Variants in SCAP observed in about 807,000 individuals in gnomAD.
SCAP encodes the protein sterol regulatory element-binding protein cleavage-activating protein.
Under a neutral mutation model 123.6 loss-of-function variants are expected in SCAP, and 65 were observed. The observed-to-expected ratio is 0.53, with a 90% CI of 0.43 to 0.65. The LOEUF (loss-of-function observed/expected upper bound fraction) is 0.65, where lower values mean the gene tolerates loss of function less well. Among genes scored for constraint, SCAP ranks in the 30% least tolerant of loss-of-function variants. SCAP has a pLI of 0.00. For synonymous variants in SCAP, 740 were observed against 726.3 expected (o/e 1.02, Z -0.30); for missense variants, 1,398 against 1,712.5 (o/e 0.82, Z 3.24).
intron 1 of SCAP, among the ~76,000 whole-genome samples, chr3:47,458,938 T>G (rs1707528418): frequency 6.6e-6 from 1 of 152,210 alleles, no homozygotes; most frequent in African/African-American, 2.4e-5. Flanking sequence ...CGCAAGTAGC[T>G]GGGATTACAG....
chr3:47,443,555 G>A (rs1380461622), intron 1 of SCAP, among the ~76,000 whole-genome samples: 1 of 152,064 alleles, frequency 6.6e-6, no homozygotes, highest in Non-Finnish European at 1.5e-5. Context: ...AAAACACACT[G>A]TTGTACAAAT....
intron 1 of SCAP, among the ~76,000 whole-genome samples, chr3:47,464,703 A>C (rs1707762701): frequency 6.6e-6 from 1 of 152,210 alleles, no homozygotes; most frequent in South Asian, 2.1e-4. Context: ...CAGGAACAAG[A>C]CAAGGATGCC....
In SCAP at chr3:47,474,507, G is replaced by A. The variant is rs138542218; in HGVS notation, c.-99+1292C>T. Among the ~76,000 whole-genome samples, 152 of 151,430 alleles carry A rather than the reference G, an allele frequency of 1.0e-3. 3 individuals are homozygous for A. Among genetic ancestry groups the A allele is most frequent in the African/African-American group, 3.5e-3 (143 of 41,310 alleles). On this transcript the variant is annotated intron_variant, in intron 1 of 22. Coordinates refer to ENST00000265565, the MANE Select transcript of SCAP (RefSeq NM_012235.4). ...ATTAACACACATTTTAAAAGATACA[G>A]GTCTTGGCCGGGCACGGTGGTTCAC...
chr3:47,441,354 G>A (rs903819851), intron 2 of SCAP, among the ~76,000 whole-genome samples: 1 of 152,142 alleles, frequency 6.6e-6, no homozygotes, highest in African/African-American at 2.4e-5. Flanking sequence ...TGTGGTTGTG[G>A]CTTCTTAGGA....
In SCAP at chr3:47,443,231, AATAC is replaced by A. The variant is rs1388181560; in HGVS notation, c.-98-144_-98-141del. 8.6e-6 allele frequency: 3 copies of A among 347,688 alleles called. No individual in the cohort carries two copies. In the African/African-American group the frequency reaches 1.1e-4, roughly 13 times the overall value. 21.5% of individuals were successfully genotyped at this position (347,688 alleles called of 1,614,324 possible). ...CAAGGTCTAGTGACCTCAATCCCAA[AATAC>A]ACACACACACACACACACACACACA... On this transcript the variant is annotated intron_variant, in intron 1 of 22. Transcript: ENST00000265565.
intron 4 of SCAP, among the ~76,000 whole-genome samples, chr3:47,427,900 T>C (rs996031646): frequency 6.6e-6 from 1 of 152,172 alleles, no homozygotes; most frequent in African/African-American, 2.4e-5. Context: ...CCATCAGCTC[T>C]GAGGACGGGC....
At chr3:47,426,771 C>T (rs11711824) in intron 6 of SCAP, among the ~76,000 whole-genome samples, 75,342 of 152,068 alleles carry the variant, frequency 0.5, 20,289 homozygotes, top group Non-Finnish European at 0.6. Context: ...CTAGGAGAGC[C>T]GATCAGAAGC....
At chr3:47,418,056 A>C in intron 16 of SCAP, 78 bp downstream of exon 16, 1 of 846,434 alleles carries the variant, frequency 1.2e-6, no homozygotes. Context: ...GGAAGAAAGG[A>C]GGGGAGATAC....
intron 2 of SCAP, 110 bp from the exon 3 acceptor site, chr3:47,435,247 C>T (rs1706522807): frequency 2.5e-6 from 3 of 1,197,482 alleles, no homozygotes; most frequent in Admixed American, 6.5e-5. Flanking sequence ...CAGGACTGTA[C>T]AAATGTGCAA....
chr3:47,466,343 G>C (rs1328030955), intron 1 of SCAP, among the ~76,000 whole-genome samples: 2 of 152,056 alleles, frequency 1.3e-5, no homozygotes, highest in East Asian at 3.9e-4. Context: ...ACAATAGAGA[G>C]CCCAGATCTT....
intron 1 of SCAP, among the ~76,000 whole-genome samples, chr3:47,458,027 C>T (rs1033121709): frequency 2.0e-5 from 3 of 152,102 alleles, no homozygotes; most frequent in Admixed American, 6.6e-5. Context: ...GTGGCTCACG[C>T]CTGTAATCCC....
chr3:47,465,922 CAA>C (rs1011510114), intron 1 of SCAP, among the ~76,000 whole-genome samples: 1 of 151,424 alleles, frequency 6.6e-6, no homozygotes, highest in African/African-American at 2.4e-5. Context: ...GTCATGAGGT[CAA>C]GAGATCGAGA....
At chr3:47,444,731 T>C (rs2107924396) in intron 1 of SCAP, among the ~76,000 whole-genome samples, 1 of 151,812 alleles carries the variant, frequency 6.6e-6, no homozygotes, top group Non-Finnish European at 1.5e-5. Context: ...TGCCTCAGCC[T>C]CTCAAAGTGC....
At chr3:47,421,535 C>T (rs1705900244) in intron 10 of SCAP, among the ~76,000 whole-genome samples, 1 of 152,214 alleles carries the variant, frequency 6.6e-6, no homozygotes, top group Non-Finnish European at 1.5e-5. Context: ...GCTCTCTGCT[C>T]CCCAAGCTCT....
chr3:47,418,733 G>A lies in SCAP; in HGVS notation c.2051C>T (p.Pro684Leu). ...DGRSAWPPPG[P>L]IPAGHWEAGP... ...TGCTTCCCAGTGCCCAGCAGGTATG[G>A]GCCCCGGTGGGGGCCAGGCACTGCG... is the stretch of plus-strand genomic sequence containing the variant. Residue 684 changes from proline (P) to leucine (L), a missense_variant, in exon 14 of 23, where the codon CCC becomes CTC. By Grantham distance (98) the Pro-to-Leu change is moderately conservative. Around this residue, in one of 7 missense-constraint regions of SCAP, gnomAD observed 828 missense variants for 882.5 expected, o/e 0.94. Coordinates refer to ENST00000265565, the MANE Select transcript of SCAP (RefSeq NM_012235.4). 3 of 1,602,994 alleles carry A rather than the reference G, an allele frequency of 1.9e-6. No homozygotes were observed. Among genetic ancestry groups the A allele is most frequent in the Non-Finnish European group, 2.6e-6 (3 of 1,176,204 alleles).
In SCAP at chr3:47,414,026, G is replaced by T; in HGVS notation, c.3668C>A (p.Ser1223Tyr). 1.9e-6 allele frequency: 3 copies of T among 1,613,272 alleles called. No homozygotes were observed. The highest frequency in any genetic ancestry group is 2.5e-6 in the Non-Finnish European group (3 of 1,180,020). Reference sequence around the variant, plus strand: ...GTCCCCGTAGTTTAGGTCCCAAAAGGAGACACAGCCCTGGCCGCCAGTCAC... The same window carrying T: ...GTCCCCGTAGTTTAGGTCCCAAAAGTAGACACAGCCCTGGCCGCCAGTCAC... ...LLVTGGQGCV[S>Y]FWDLNYGDLL... Residue 1223 changes from serine (S) to tyrosine (Y), a missense_variant, in exon 23 of 23, where the codon TCC (serine) becomes TAC (tyrosine). Physicochemically the swap from Ser to Tyr is moderately radical, Grantham distance 144 (BLOSUM62 -2). Around this residue, in one of 7 missense-constraint regions of SCAP, gnomAD observed 130 missense variants for 166.7 expected, o/e 0.78. Coordinates refer to ENST00000265565, the MANE Select transcript of SCAP (RefSeq NM_012235.4).
intron 7 of SCAP, 150 bp from the exon 8 acceptor site, chr3:47,425,761 C>T: frequency 2.1e-6 from 2 of 951,144 alleles, no homozygotes; most frequent in Non-Finnish European, 3.1e-6. Context: ...TTCCCAGTGT[C>T]ATGGACACAG....
rs184287078 is a variant in SCAP, at chr3:47,451,827, C to T, written c.-98-8736G>A. Among the ~76,000 whole-genome samples the T allele has an allele frequency of 9.2e-4, 113 of 123,292 alleles. 20 individuals are homozygous for T. The highest frequency in any genetic ancestry group is 3.0e-3 in the African/African-American group (109 of 35,944). 80.9% of individuals were successfully genotyped at this position (123,292 alleles called of 152,430 possible). On this transcript the variant is annotated intron_variant, in intron 1 of 22. Coordinates refer to ENST00000265565, the MANE Select transcript of SCAP (RefSeq NM_012235.4). ...CACTTAGAACAAAGCCCAAATGCCT[C>T]CCCCTAGCTCTCAGGGCTCTGCACA...
At chr3:47,415,033 A>AATGG in intron 19 of SCAP, 40 bp from the exon 20 acceptor site, 1 of 1,580,830 alleles carries the variant, frequency 6.3e-7, no homozygotes, top group Non-Finnish European at 8.6e-7. Flanking sequence ...CTGAGAAAGC[A>AATGG]ATGGGTAGAC....
Sources: allele counts gnomAD v4.1 joint callset (sites outside exome capture counted in the v4.1 genomes callset), GRCh38; gene constraint gnomAD v4.1.1; regional missense constraint gnomAD v4.1.1; transcripts MANE v1.5; gene names NCBI Gene and HGNC (gene_info 2026-07-23, HGNC 2026-07-21).